The following ATP6V1G1 variants were observed in gnomAD, a reference collection of about 807,000 sequenced individuals.
ATP6V1G1 encodes the protein ATPase H+ transporting V1 subunit G1.
A neutral mutation model predicts 14.2 loss-of-function variants in ATP6V1G1; 14 were observed. That is an observed-to-expected ratio of 0.99 (90% CI 0.65 to 1.55). The LOEUF (loss-of-function observed/expected upper bound fraction) is 1.55, where lower values mean the gene tolerates loss of function less well. ATP6V1G1 is among the 40% of genes most tolerant of loss of function. The probability of loss-of-function intolerance (pLI) is 0.00; values close to 1 mark genes in which losing one functional copy is unlikely to be tolerated. For missense variants in ATP6V1G1, 137 were observed against 146.4 expected (o/e 0.94, Z 0.33); for synonymous variants, 65 against 53.3 (o/e 1.22, Z -0.96).
At chr9:114,595,600 G>C (rs565402115) in intron 2 of ATP6V1G1, among the ~76,000 whole-genome samples, 80 of 152,230 alleles carry the variant, frequency 5.3e-4, no homozygotes, top group African/African-American at 1.9e-3. Flanking sequence ...ATTGCAGTGA[G>C]CCGAGATCGT....
intron 2 of ATP6V1G1, among the ~76,000 whole-genome samples, chr9:114,594,653 G>T (rs1459526074): frequency 6.6e-6 from 1 of 152,060 alleles, no homozygotes; most frequent in South Asian, 2.1e-4. Context: ...AAAATGCTGG[G>T]ATTACAGGCG....
rs542457925 is a variant in ATP6V1G1, at chr9:114,593,298, C to T, written c.183+646C>T. Among the ~76,000 whole-genome samples the T allele has an allele frequency of 6.6e-5, 10 of 152,172 alleles. No individual in the cohort carries two copies. The East Asian group carries it at 1.9e-3, about 29-fold the overall frequency. ...ACTGATTCTAAATGGGATGTATTGG[C>T]CTATATAATTAAAAACCCAAGAGCT... On this transcript the variant is annotated intron_variant, in intron 2 of 2. Coordinates refer to ENST00000374050, the MANE Select transcript of ATP6V1G1 (RefSeq NM_004888.4).
At chr9:114,590,359 G>A (rs770578539) in intron 1 of ATP6V1G1, among the ~76,000 whole-genome samples, 2 of 150,932 alleles carry the variant, frequency 1.3e-5, no homozygotes, top group Non-Finnish European at 2.9e-5. Flanking sequence ...TCCAGAGTTC[G>A]AGATTTTGTG....
Position 114,598,818 on chromosome 9 carries a change from G to A in ATP6V1G1, c.*1075G>A, listed in dbSNP as rs1845270059. 6.6e-6 allele frequency among the ~76,000 whole-genome samples: 1 copy of A among 151,994 alleles called. No individual in the cohort carries two copies. The highest frequency in any genetic ancestry group is 2.4e-5 in the African/African-American group (1 of 41,378). ...GTAAAAACAGTTGAAAGAACATTAT[G>A]GGATTTCCTTGCTTGTTCTGATACA... On this transcript the variant is annotated 3_prime_UTR_variant, in exon 3 of 3. Transcript: ENST00000374050.
chr9:114,596,436 CCT>C (rs1845239522), intron 2 of ATP6V1G1, among the ~76,000 whole-genome samples: 1 of 150,940 alleles, frequency 6.6e-6, no homozygotes, highest in South Asian at 2.1e-4. Flanking sequence ...AATTAGTTTT[CCT>C]CTCTCTCAGA....
At chr9:114,594,861 C>CTTTTTTTTTTTT (rs71997716) in intron 2 of ATP6V1G1, among the ~76,000 whole-genome samples, 1 of 110,578 alleles carries the variant, frequency 9.0e-6, no homozygotes, top group Non-Finnish European at 1.8e-5. Context: ...TTCTTTTTTT[C>CTTTTTTTTTTTT]TTTTTTTTTT....
At chr9:114,592,409 T>C in intron 1 of ATP6V1G1, 143 bp from the exon 2 acceptor site, 1 of 802,608 alleles carries the variant, frequency 1.2e-6, no homozygotes, top group Non-Finnish European at 1.9e-6. Flanking sequence ...GTTTGTTAGC[T>C]CTGAATTCCC....
intron 1 of ATP6V1G1, 65 bp downstream of exon 1, chr9:114,587,985 G>A: frequency 6.5e-7 from 1 of 1,529,112 alleles, no homozygotes; most frequent in East Asian, 2.5e-5. Flanking sequence ...GGCCTCAGGT[G>A]GTGGGTAGAT....
chr9:114,598,324 T>C lies in ATP6V1G1; in HGVS notation c.*581T>C, dbSNP rs1013426702. 6.6e-6 allele frequency: 1 copy of C among 152,648 alleles called. No homozygotes were observed. Among genetic ancestry groups the C allele is most frequent in the Non-Finnish European group, 1.5e-5 (1 of 68,042 alleles). 9.5% of individuals were successfully genotyped at this position (152,648 alleles called of 1,614,324 possible). The stretch of plus-strand genomic sequence containing the variant: ...ATAGAATTCAAGAACTTGTTACATG[T>C]ATTACTTGGTGTATCGATAATCATT... On this transcript the variant is annotated 3_prime_UTR_variant, in exon 3 of 3. Transcript: ENST00000374050.
In ATP6V1G1 at chr9:114,592,591, A is replaced by G; in HGVS notation, c.122A>G (p.Gln41Arg). The G allele has an allele frequency of 1.3e-6, 2 of 1,574,908 alleles. No homozygotes were observed. Among genetic ancestry groups the G allele is most frequent in the Non-Finnish European group, 1.7e-6 (2 of 1,159,532 alleles). The change falls in exon 2 of 3, where the codon CAG becomes CGG. Residue 41 changes from glutamine to arginine, a missense_variant. Gln to Arg is a conservative substitution (Grantham distance 43). Coordinates refer to ENST00000374050, the MANE Select transcript of ATP6V1G1 (RefSeq NM_004888.4). ...CTGAAGCAGGCCAAAGAAGAAGCTC[A>G]GGCTGAAATTGAACAGTACCGCCTG... ...RRLKQAKEEA[Q>R]AEIEQYRLQR...
rs1845203516 is a variant in ATP6V1G1 at position 114,593,404 on chromosome 9, AGTT to A, written c.183+753_183+755del. On this transcript the variant is annotated intron_variant, in intron 2 of 2. Transcript: ENST00000374050. ...CAAGTTCTACACTGTGGCCTCTAGT[AGTT>A]CCAGCATACACACTTCCAGGCCCAA... Among the ~76,000 whole-genome samples, 3 of 152,206 alleles carry A rather than the reference AGTT, an allele frequency of 2.0e-5. No homozygotes were observed. In the South Asian group the frequency reaches 6.2e-4, roughly 31 times the overall value.
intron 2 of ATP6V1G1, among the ~76,000 whole-genome samples, chr9:114,593,546 A>G (rs1241706633): frequency 2.0e-5 from 3 of 152,156 alleles, no homozygotes; most frequent in Non-Finnish European, 4.4e-5. Flanking sequence ...TTCAGGCTTT[A>G]GTGCAGTGGT....
intron 1 of ATP6V1G1, 84 bp from the exon 2 acceptor site, chr9:114,592,468 T>C: frequency 7.7e-7 from 1 of 1,305,780 alleles, no homozygotes; most frequent in African/African-American, 1.5e-5. Flanking sequence ...TATTCTTGGC[T>C]TATTGTTATA....
In ATP6V1G1 at chr9:114,592,747, C is replaced by A; in HGVS notation, c.183+95C>A. On this transcript the variant is annotated intron_variant, in intron 2 of 2. Transcript: ENST00000374050. ...TCCAGCATAGCTCAGAGATCCTGGT[C>A]GAAGTTTGAAAATGTGGTAGCTGTG... 4 of 1,315,202 alleles carry A rather than the reference C, an allele frequency of 3.0e-6. No individual in the cohort carries two copies. The South Asian group carries it at 4.2e-5, about 14-fold the overall frequency. 81.5% of individuals were successfully genotyped at this position (1,315,202 alleles called of 1,614,324 possible).
rs1009146922 is a variant in ATP6V1G1, at chr9:114,598,386, CT to C, written c.*653del. 29 of 149,852 alleles carry C rather than the reference CT, an allele frequency of 1.9e-4. 1 individual carries two copies. Among genetic ancestry groups the C allele is most frequent in the Admixed American group, 7.4e-4 (11 of 14,880 alleles). 9.3% of individuals were successfully genotyped at this position (149,852 alleles called of 1,614,324 possible). ...ACTCTGTCATGCATTTTTCCCCATT[CT>C]TTTTTTTTTCCCTGTCTCCGTGACA... On this transcript the variant is annotated 3_prime_UTR_variant, in exon 3 of 3. Coordinates refer to ENST00000374050, the MANE Select transcript of ATP6V1G1 (RefSeq NM_004888.4).
At chr9:114,590,158 C>T (rs1357535155) in intron 1 of ATP6V1G1, among the ~76,000 whole-genome samples, 2 of 144,686 alleles carry the variant, frequency 1.4e-5, no homozygotes, top group South Asian at 2.2e-4. Flanking sequence ...AGATCTGTCC[C>T]ACAGCACTCC....
chr9:114,597,148 G>A (rs554985342), intron 2 of ATP6V1G1, among the ~76,000 whole-genome samples: 2 of 151,422 alleles, frequency 1.3e-5, no homozygotes, highest in South Asian at 2.1e-4. Flanking sequence ...CCGCTACCAC[G>A]CCCGGCTAAT....
At chr9:114,590,415 C>A (rs1170630552) in intron 1 of ATP6V1G1, among the ~76,000 whole-genome samples, 2 of 151,700 alleles carry the variant, frequency 1.3e-5, no homozygotes, top group East Asian at 3.9e-4. Context: ...TACCACCATG[C>A]CCATCTCTAC....
At chr9:114,596,361 C>G (rs1489358688) in intron 2 of ATP6V1G1, among the ~76,000 whole-genome samples, 1 of 145,760 alleles carries the variant, frequency 6.9e-6, no homozygotes, top group African/African-American at 2.6e-5. Context: ...GCACTCCAGC[C>G]TGGACGACAG....
Sources: gnomAD v4.1 joint callset for allele counts (sites outside exome capture counted in the v4.1 genomes callset) on GRCh38, gnomAD v4.1.1 for gene constraint, MANE v1.5 for transcripts, NCBI Gene and HGNC (gene_info 2026-07-23, HGNC 2026-07-21) for gene names.